The following CCL23 variants were observed in gnomAD, a reference collection of about 807,000 sequenced individuals.
CCL23 encodes the protein C-C motif chemokine ligand 23, also known as C-C motif chemokine 23.
In CCL23, 10 loss-of-function variants were observed where a neutral mutation model predicts 11.8. The ratio of observed to expected loss-of-function variants is 0.84; its 90% CI spans 0.52 to 1.43. CCL23 has a LOEUF of 1.43. Among genes scored for constraint, CCL23 ranks in the 40% most tolerant of loss-of-function variants. The pLI, the probability that CCL23 is intolerant of heterozygous loss-of-function variation, is 0.00. For missense variants in CCL23, 181 were observed against 170.9 expected (o/e 1.06, Z -0.33); for synonymous variants, 60 against 61.0 (o/e 0.98, Z 0.07).
chr17:36,016,722 TTAAA>T (rs2090100719), intron 1 of CCL23, among the ~76,000 whole-genome samples: 1 of 149,422 alleles, frequency 6.7e-6, no homozygotes, highest in African/African-American at 2.4e-5. Context: ...AATGACTATA[TTAAA>T]TATCTTTTAA....
chr17:36,013,942 G>A (rs1210013606), intron 2 of CCL23, 33 bp from the exon 3 acceptor site: 1 of 1,607,232 alleles, frequency 6.2e-7, no homozygotes, highest in Non-Finnish European at 8.5e-7. Flanking sequence ...TGGCTCAGAA[G>A]AGATGTTTCC....
rs1043219532 is a variant in CCL23 at position 36,017,322 on chromosome 17, C to G, written c.76+500G>C. On this transcript the variant is annotated intron_variant, in intron 1 of 3. Coordinates refer to ENST00000615050, the MANE Select transcript of CCL23 (RefSeq NM_005064.6). Reference sequence around the variant, plus strand: ...GTTAATATCTGTAAGACACTTAGAACAGTGCCTGCCCTGTACATAGGAAGT... The same window carrying G: ...GTTAATATCTGTAAGACACTTAGAAGAGTGCCTGCCCTGTACATAGGAAGT... Among the ~76,000 whole-genome samples the G allele has an allele frequency of 1.3e-4, 20 of 152,152 alleles. 1 individual carries two copies. Among genetic ancestry groups the G allele is most frequent in the African/African-American group, 4.6e-4 (19 of 41,430 alleles).
intron 1 of CCL23, among the ~76,000 whole-genome samples, chr17:36,017,525 A>G (rs2090106322): frequency 1.3e-5 from 2 of 152,186 alleles, no homozygotes; most frequent in East Asian, 1.9e-4. Flanking sequence ...TAATTTTACT[A>G]CACTTCTTTT....
chr17:36,017,785 G>A, intron 1 of CCL23, 37 bp downstream of exon 1: 1 of 1,593,702 alleles, frequency 6.3e-7, no homozygotes, highest in Non-Finnish European at 8.6e-7. Flanking sequence ...GAGTTACCAT[G>A]AACCTGGTCA....
chr17:36,017,724 C>A, intron 1 of CCL23, 98 bp downstream of exon 1: 1 of 1,095,046 alleles, frequency 9.1e-7, no homozygotes, highest in South Asian at 1.4e-5. Flanking sequence ...ATGACCACGT[C>A]TGGGATGGAG....
chr17:36,014,729 AG>A (rs1304270686), intron 1 of CCL23, among the ~76,000 whole-genome samples: 1 of 152,214 alleles, frequency 6.6e-6, no homozygotes, highest in Non-Finnish European at 1.5e-5. Flanking sequence ...TGGAATCCAC[AG>A]GGCTCTGGAA....
chr17:36,015,724 G>C (rs1052463249), intron 1 of CCL23, among the ~76,000 whole-genome samples: 5 of 152,102 alleles, frequency 3.3e-5, no homozygotes, highest in African/African-American at 1.2e-4. Context: ...ACAATTGACT[G>C]TCTCACAGAA....
rs1299033121 is a variant in CCL23, at chr17:36,017,851, G to T, written c.47C>A (p.Ala16Asp). The change falls in exon 1 of 4, where the codon GCC (alanine) becomes GAC (aspartate). Residue 16 changes from alanine to aspartate, a missense_variant. By Grantham distance (126) the Ala-to-Asp change is moderately radical. Transcript: ENST00000615050. Reference protein sequence around the residue: ...AALSCLMLVTALGSQARVTKD... With the variant: ...AALSCLMLVTDLGSQARVTKD... ...TGTGACCCGGGCCTGGGATCCAAGG[G>T]CAGTAACAAGCATGAGGCAGGAGAG... 6.2e-7 allele frequency: 1 copy of T among 1,614,138 alleles called. No homozygotes were observed. The highest frequency in any genetic ancestry group is 2.2e-5 in the East Asian group (1 of 44,880).
chr17:36,013,902 C>T lies in CCL23; in HGVS notation c.144G>A (p.Trp48Ter). ...TCATCTGAGGACCAATCTTTCTCCT[C>T]CAGAGCACTGTGGAGGGTGAGAAGG... is the stretch of plus-strand genomic sequence containing the variant. ...LENPVLLDML[W>*]RRKIGPQMTL... Residue 48 changes from tryptophan to a stop codon, truncating the protein, a stop_gained, in exon 3 of 4, where the codon TGG becomes TGA. Transcript: ENST00000615050. LOFTEE classifies it high-confidence loss of function. 1.2e-6 allele frequency: 2 copies of T among 1,614,084 alleles called. No homozygotes were observed. Among genetic ancestry groups the T allele is most frequent in the Non-Finnish European group, 1.7e-6 (2 of 1,179,970 alleles).
At chr17:36,015,019 A>T (rs2090087708) in intron 1 of CCL23, among the ~76,000 whole-genome samples, 1 of 152,200 alleles carries the variant, frequency 6.6e-6, no homozygotes, top group Non-Finnish European at 1.5e-5. Context: ...ACAGTTCAAT[A>T]GCATCAAATA....
chr17:36,013,077 AGATGAATT>A lies in CCL23; in HGVS notation c.*112_*119del. On this transcript the variant is annotated 3_prime_UTR_variant, in exon 4 of 4. Transcript: ENST00000615050. The stretch of plus-strand genomic sequence containing the variant: ...CAAAAAAAGTGAGAAACTGTTTATT[AGATGAATT>A]GCTCTAAATCCAGAACACAAGAATA... 1.5e-6 allele frequency: 1 copy of A among 663,240 alleles called. No homozygotes were observed. The allele number at this position is 663,240 out of a possible 1,614,324, so 41.1% of individuals were successfully genotyped here. A position where few individuals can be genotyped will look rare whatever the true frequency, so the allele number is the denominator to read the frequency against.
chr17:36,013,480 C>G (rs969477997), intron 3 of CCL23, among the ~76,000 whole-genome samples, 172 bp from the exon 4 acceptor site: 1 of 152,036 alleles, frequency 6.6e-6, no homozygotes, highest in African/African-American at 2.4e-5. Flanking sequence ...TCTTGAGACC[C>G]CCTCAGCCTG....
At chr17:36,014,043 A>T in intron 2 of CCL23, 134 bp from the exon 3 acceptor site, 1 of 855,466 alleles carries the variant, frequency 1.2e-6, no homozygotes, top group East Asian at 2.7e-5. Flanking sequence ...GGTGGGCCAG[A>T]GCAGGACCAG....
In CCL23 at chr17:36,013,840, G is replaced by A. The variant is rs1285783556; in HGVS notation, c.206C>T (p.Ala69Val). 1 of 1,614,040 alleles carries A rather than the reference G, an allele frequency of 6.2e-7. No individual in the cohort carries two copies. The highest frequency in any genetic ancestry group is 2.2e-5 in the East Asian group (1 of 44,884). Residue 69 changes from alanine (A) to valine (V), a missense_variant, in exon 3 of 4, where the codon GCT (alanine) becomes GTT (valine). Transcript: ENST00000615050. ...TGGGGTGTAGGAGATGCAGCAGTCA[G>A]CACTAGTAGCATGGAATCCTGCAGC... Reference protein sequence around the residue: ...SHAAGFHATSADCCISYTPRS... With the variant: ...SHAAGFHATSVDCCISYTPRS...
At position 36,013,770 on chromosome 17, in the gene CCL23, G is replaced by A. The variant is rs759333711; in HGVS notation, c.276C>T (p.Asn92=). Residue 92 remains asparagine (N), a synonymous_variant, in exon 3 of 4, where the codon AAC becomes AAT. Transcript: ENST00000615050. ...TGACACCCGGCTTGGAGCACTCGCT[G>A]TTCGTTTCAAAGTAACTCTCCAGGA... ...CSLLESYFET[N]SECSKPGVIF... 3 of 1,614,166 alleles carry A rather than the reference G, an allele frequency of 1.9e-6. No homozygotes were observed. Among genetic ancestry groups the A allele is most frequent in the Non-Finnish European group, 2.5e-6 (3 of 1,180,022 alleles).
At chr17:36,015,055 C>T (rs1461063486) in intron 1 of CCL23, among the ~76,000 whole-genome samples, 2 of 152,088 alleles carry the variant, frequency 1.3e-5, no homozygotes, top group African/African-American at 2.4e-5. Context: ...GCAGTTTTCA[C>T]GGCCGTTCAT....
At chr17:36,014,918 ATGTT>A (rs2090086438) in intron 1 of CCL23, among the ~76,000 whole-genome samples, 1 of 151,958 alleles carries the variant, frequency 6.6e-6, no homozygotes, top group Non-Finnish European at 1.5e-5. Flanking sequence ...CCATCAATAT[ATGTT>A]TAAGTTTTTT....
chr17:36,013,550 TC>T, intron 3 of CCL23, 193 bp downstream of exon 3: 1 of 633,068 alleles, frequency 1.6e-6, no homozygotes, highest in Non-Finnish European at 2.8e-6. Context: ...GCTTTCTTCT[TC>T]CTTCCCCACC....
intron 1 of CCL23, among the ~76,000 whole-genome samples, chr17:36,017,412 G>A (rs916526752): frequency 1.3e-5 from 2 of 152,110 alleles, no homozygotes; most frequent in East Asian, 3.9e-4. Context: ...AGTCATTTGT[G>A]TGGCTTGTTC....
Sources: gnomAD v4.1 joint callset for allele counts (sites outside exome capture counted in the v4.1 genomes callset) on GRCh38, gnomAD v4.1.1 for gene constraint, MANE v1.5 for transcripts, NCBI Gene and HGNC (gene_info 2026-07-23, HGNC 2026-07-21) for gene names.